The following MGAT4C variants were observed in gnomAD, a reference collection of about 807,000 sequenced individuals.
The protein encoded by MGAT4C is MGAT4 family member C, also known as alpha-1,3-mannosyl-glycoprotein 4-beta-N-acetylglucosaminyltransferase C.
Under a neutral mutation model 40.1 loss-of-function variants are expected in MGAT4C, and 19 were observed. The observed-to-expected ratio is 0.47, with a 90% CI of 0.33 to 0.70. The LOEUF is 0.70. Among genes scored for constraint, MGAT4C ranks in the 30% least tolerant of loss-of-function variants. The pLI, the probability that MGAT4C is intolerant of heterozygous loss-of-function variation, is 0.02. For synonymous variants in MGAT4C, 181 were observed against 187.1 expected (o/e 0.97, Z 0.27); for missense variants, 491 against 563.2 (o/e 0.87, Z 1.30).
intron 2 of MGAT4C, among the ~76,000 whole-genome samples, chr12:85,994,821 A>G (rs1389771483): frequency 6.6e-6 from 1 of 152,216 alleles, no homozygotes; most frequent in Non-Finnish European, 1.5e-5. Context: ...TCTAAAGGAC[A>G]TAGAAAATGG....
intron 2 of MGAT4C, among the ~76,000 whole-genome samples, chr12:86,027,008 C>T (rs1449690116): frequency 6.6e-6 from 1 of 151,990 alleles, no homozygotes; most frequent in Non-Finnish European, 1.5e-5. Context: ...TCATTATTAA[C>T]TAGTTCTCAG....
At chr12:86,521,967 TGTTAAA>T (rs1443409256) in intron 2 of MGAT4C, among the ~76,000 whole-genome samples, 2 of 152,278 alleles carry the variant, frequency 1.3e-5, no homozygotes, top group African/African-American at 4.8e-5. Context: ...CCTGAGAGTT[TGTTAAA>T]GTTATTTATT....
At chr12:86,583,310 T>G (rs1397748914) in intron 2 of MGAT4C, among the ~76,000 whole-genome samples, 2 of 151,360 alleles carry the variant, frequency 1.3e-5, no homozygotes. Context: ...CAAAGGGACA[T>G]TCAGGCTATC....
intron 3 of MGAT4C, among the ~76,000 whole-genome samples, chr12:86,392,418 G>C (rs923206240): frequency 2.0e-5 from 3 of 152,166 alleles, no homozygotes; most frequent in Non-Finnish European, 2.9e-5. Context: ...GTTGCAGTGA[G>C]CTGATATTGC....
chr12:86,245,312 C>G (rs1320242348), intron 1 of MGAT4C, among the ~76,000 whole-genome samples: 1 of 152,124 alleles, frequency 6.6e-6, no homozygotes, highest in Non-Finnish European at 1.5e-5. Context: ...GGTTAGCATG[C>G]CAGGTTTCTA....
intron 1 of MGAT4C, among the ~76,000 whole-genome samples, chr12:86,174,993 A>T (rs1887240795): frequency 6.6e-6 from 1 of 152,130 alleles, no homozygotes; most frequent in African/African-American, 2.4e-5. Flanking sequence ...TGATAAATAG[A>T]ATTGCCATGT....
intron 1 of MGAT4C, among the ~76,000 whole-genome samples, chr12:86,099,668 A>G (rs187824800): frequency 4.0e-4 from 60 of 151,450 alleles, no homozygotes; most frequent in Admixed American, 5.9e-4. Flanking sequence ...GTTAAAAGGA[A>G]ATTTCCCTTT....
In MGAT4C at chr12:86,215,543, C is replaced by G. The variant is rs75599180; in HGVS notation, c.-57+40696G>C. Among the ~76,000 whole-genome samples the G allele has an allele frequency of 5.3e-3, 814 of 152,218 alleles. 9 individuals are homozygous for G. The highest frequency in any genetic ancestry group is 9.1e-3 in the Non-Finnish European group (619 of 68,014). On this transcript the variant is annotated intron_variant, in intron 1 of 4. Transcript: ENST00000611864. ...TAGCCAATGGCAGGCTGCCAACTGA[C>G]CATACCATGTTCAAATAAAGCCAAT...
chr12:86,385,944 T>A (rs1403032849), intron 3 of MGAT4C, among the ~76,000 whole-genome samples: 1 of 152,196 alleles, frequency 6.6e-6, no homozygotes, highest in Admixed American at 6.5e-5. Context: ...TTATTTATTT[T>A]TTTTGAGACG....
At chr12:86,585,998 G>A (rs1353473846) in intron 2 of MGAT4C, among the ~76,000 whole-genome samples, 2 of 148,458 alleles carry the variant, frequency 1.3e-5, no homozygotes, top group Non-Finnish European at 3.0e-5. Flanking sequence ...TGTGCACAAT[G>A]TGCAGGTTAG....
Position 86,602,653 on chromosome 12 carries a change from CTT to C in MGAT4C, c.-229+124554_-229+124555del, listed in dbSNP as rs1490433423. ...AGTTATTTAAACTCTGCAGGAATTA[CTT>C]TTTTAAATGTTTTCTGAACCTCTGA... On this transcript the variant is annotated intron_variant, in intron 2 of 7. Coordinates refer to the MGAT4C transcript ENST00000548651. 2.6e-5 allele frequency among the ~76,000 whole-genome samples: 4 copies of C among 152,216 alleles called. No homozygotes were observed. In the South Asian group the frequency reaches 8.3e-4, roughly 32 times the overall value.
intron 2 of MGAT4C, among the ~76,000 whole-genome samples, chr12:85,997,661 T>C (rs1056831806): frequency 1.3e-5 from 2 of 152,210 alleles, no homozygotes; most frequent in African/African-American, 4.8e-5. Context: ...AGTCAAATCT[T>C]AAGGCTCCAA....
In MGAT4C at chr12:86,634,306, A is replaced by C. The variant is rs114620313; in HGVS notation, c.-229+92903T>G. On this transcript the variant is annotated intron_variant, in intron 2 of 7. Coordinates refer to the MGAT4C transcript ENST00000548651. ...AAGATTTACCAATTGTGTAAACTTC[A>C]TGAGGTTATTTAATCCATCTATACT... Among the ~76,000 whole-genome samples, 568 of 152,220 alleles carry C rather than the reference A, an allele frequency of 3.7e-3. 3 individuals carry two copies. The highest frequency in any genetic ancestry group is 0.013 in the African/African-American group (554 of 41,546).
chr12:86,031,632 A>G (rs746426239), intron 2 of MGAT4C, among the ~76,000 whole-genome samples: 8 of 151,852 alleles, frequency 5.3e-5, no homozygotes, highest in African/African-American at 1.9e-4. Flanking sequence ...AGGAAAATCA[A>G]CGTTCTAGCA....
chr12:86,414,763 C>T (rs1465382372), intron 3 of MGAT4C, among the ~76,000 whole-genome samples: 5 of 151,968 alleles, frequency 3.3e-5, no homozygotes, highest in South Asian at 2.1e-4. Flanking sequence ...CATTTTGAAC[C>T]GAATGGGAAG....
chr12:86,175,391 T>C (rs1330348859), intron 1 of MGAT4C, among the ~76,000 whole-genome samples: 1 of 152,206 alleles, frequency 6.6e-6, no homozygotes, highest in African/African-American at 2.4e-5. Flanking sequence ...TAAATTTCTC[T>C]TAAATCCACT....
At chr12:86,218,115 G>A (rs1427026276) in intron 1 of MGAT4C, among the ~76,000 whole-genome samples, 6 of 151,000 alleles carry the variant, frequency 4.0e-5, no homozygotes, top group South Asian at 2.1e-4. Flanking sequence ...TACCTTTTAG[G>A]TCATTGGAAA....
At position 86,310,435 on chromosome 12, in the gene MGAT4C, T is replaced by C. The variant is rs113858636; in HGVS notation, c.-57+23630A>G. 7.6e-3 allele frequency among the ~76,000 whole-genome samples: 1,156 copies of C among 152,280 alleles called. 12 individuals carry two copies. The highest frequency in any genetic ancestry group is 0.026 in the African/African-American group (1,091 of 41,538). On this transcript the variant is annotated intron_variant, in intron 4 of 7. Transcript: ENST00000548651. ...GGAAGAGGGCCGGTGGTAGGCACCA[T>C]TCAGCTTTGTCCAGTATTGATAGTA... is the stretch of plus-strand genomic sequence containing the variant.
chr12:86,652,683 A>G (rs1193024687), intron 2 of MGAT4C, among the ~76,000 whole-genome samples: 1 of 151,924 alleles, frequency 6.6e-6, no homozygotes, highest in Non-Finnish European at 1.5e-5. Context: ...ATTGTGAAAA[A>G]CAAAAAAATG....
Sources: allele counts gnomAD v4.1 joint callset (sites outside exome capture counted in the v4.1 genomes callset), GRCh38; gene constraint gnomAD v4.1.1; transcripts MANE v1.5; gene names NCBI Gene and HGNC (gene_info 2026-07-23, HGNC 2026-07-21).